Variants in SLIT2 observed in about 807,000 individuals in gnomAD.
SLIT2 encodes slit guidance ligand 2, also known as slit homolog 2 protein.
A neutral mutation model predicts 185.7 loss-of-function variants in SLIT2; 41 were observed. The ratio of observed to expected loss-of-function variants is 0.22; its 90% CI spans 0.17 to 0.29. The LOEUF (loss-of-function observed/expected upper bound fraction) is 0.29. Ranked by LOEUF, SLIT2 falls within the 10% of genes least tolerant of loss-of-function variation. The pLI is 1.00. For synonymous variants in SLIT2, 693 were observed against 680.2 expected, an observed-to-expected ratio of 1.02 and a Z score of -0.29; for missense variants, 1,571 against 1,909.0, an observed-to-expected ratio of 0.82 and a Z score of 3.30.
At chr4:20,497,197 A>G (rs1718301256) in intron 9 of SLIT2, among the ~76,000 whole-genome samples, 1 of 152,032 alleles carries the variant, frequency 6.6e-6, no homozygotes, top group Non-Finnish European at 1.5e-5. Context: ...TCTCTAATGA[A>G]GCCTGTAGAC....
At chr4:20,381,870 A>G (rs1341678668) in intron 4 of SLIT2, among the ~76,000 whole-genome samples, 1 of 151,388 alleles carries the variant, frequency 6.6e-6, no homozygotes, top group Non-Finnish European at 1.5e-5. Flanking sequence ...AAAACATAAA[A>G]CTCCAGACCA....
rs538851495 is a variant in SLIT2 at position 20,273,238 on chromosome 4, A to G, written c.395+4357A>G. Among the ~76,000 whole-genome samples the G allele has an allele frequency of 1.3e-4, 20 of 152,208 alleles. 1 individual carries two copies. The highest frequency in any genetic ancestry group is 4.8e-4 in the African/African-American group (20 of 41,554). ...TAAGAGTAACACATGCTCATTGTAA[A>G]AAAGATCTAGGAAATTCAGAAAAAA... On this transcript the variant is annotated intron_variant, in intron 4 of 36. Transcript: ENST00000504154.
intron 4 of SLIT2, among the ~76,000 whole-genome samples, chr4:20,381,830 A>C (rs1452392468): frequency 6.6e-6 from 1 of 152,110 alleles, no homozygotes; most frequent in Non-Finnish European, 1.5e-5. Context: ...AATGTATTTT[A>C]TGATACAAAA....
Position 20,618,941 on chromosome 4 carries a change from G to A in SLIT2, c.4522G>A (p.Asp1508Asn). ...GCGGAAATACTCTTTCGAATGCACT[G>A]ACGGCTCCTCCTTTGTGGACGAGGT... ...KRRKYSFECT[D>N]GSSFVDEVEK... The change falls in exon 37 of 37, where the codon GAC (aspartate) becomes AAC (asparagine). Residue 1508 changes from aspartate (D) to asparagine (N), a missense_variant. Asp to Asn is a conservative substitution (Grantham distance 23). Around this residue, in one of 3 missense-constraint regions of SLIT2, gnomAD observed 223 missense variants for 245.2 expected, o/e 0.91. Coordinates refer to ENST00000504154, the MANE Select transcript of SLIT2 (RefSeq NM_004787.4). 6.2e-7 allele frequency: 1 copy of A among 1,614,142 alleles called. No individual in the cohort carries two copies. The highest frequency in any genetic ancestry group is 8.5e-7 in the Non-Finnish European group (1 of 1,180,010).
chr4:20,252,083 G>T lies in SLIT2; in HGVS notation c.-1733G>T, dbSNP rs1343210810. Among the ~76,000 whole-genome samples the T allele has an allele frequency of 3.3e-5, 5 of 152,212 alleles. No homozygotes were observed. The highest frequency in any genetic ancestry group is 2.0e-4 in the Admixed American group (3 of 15,298). ...CCCAGGCGCAGGCCGAAGCTGCCGC[G>T]CTTTCTGGGCACGGCGGGAGTGCTG... On this transcript the variant is annotated 5_prime_UTR_variant, in exon 1 of 37. Transcript: ENST00000504154.
At chr4:20,392,078 T>C (rs988855950) in intron 4 of SLIT2, 3 of 152,004 alleles carry the variant, frequency 2.0e-5, no homozygotes, top group African/African-American at 4.8e-5. Flanking sequence ...ACGATGGAGA[T>C]ACATTCTGAG....
chr4:20,594,759 T>A (rs1410656919), intron 30 of SLIT2, among the ~76,000 whole-genome samples: 3 of 152,132 alleles, frequency 2.0e-5, no homozygotes, highest in Non-Finnish European at 4.4e-5. Flanking sequence ...CATAGTGCAG[T>A]GGTTAGAAAT....
chr4:20,352,905 C>G (rs1468873948), intron 4 of SLIT2, among the ~76,000 whole-genome samples: 1 of 151,996 alleles, frequency 6.6e-6, no homozygotes, highest in African/African-American at 2.4e-5. Flanking sequence ...GAGTGAGACT[C>G]CATCTAAAAA....
chr4:20,389,530 T>C (rs1725246368), intron 4 of SLIT2, among the ~76,000 whole-genome samples: 1 of 150,040 alleles, frequency 6.7e-6, no homozygotes, highest in Admixed American at 6.7e-5. Context: ...TAAGTTGTTA[T>C]GTGTTTTTTT....
In SLIT2 at chr4:20,352,490, A is replaced by G. The variant is rs564491951; in HGVS notation, c.395+83609A>G. ...CACTAAGGCTAGATTTATTACATAT[A>G]AATATGTCAAATTAGATAAACGCTA... On this transcript the variant is annotated intron_variant, in intron 4 of 36. Transcript: ENST00000504154. Among the ~76,000 whole-genome samples the G allele has an allele frequency of 5.1e-4, 77 of 152,322 alleles. No homozygotes were observed. The South Asian group carries it at 0.014, about 29-fold the overall frequency.
chr4:20,552,926 A>AG (rs1723905341), intron 25 of SLIT2, among the ~76,000 whole-genome samples: 1 of 152,214 alleles, frequency 6.6e-6, no homozygotes, highest in African/African-American at 2.4e-5. Context: ...TGGACCTTAT[A>AG]AAGTTACTAT....
At chr4:20,496,047 G>T (rs947976473) in intron 9 of SLIT2, among the ~76,000 whole-genome samples, 2 of 151,854 alleles carry the variant, frequency 1.3e-5, no homozygotes, top group Non-Finnish European at 2.9e-5. Context: ...TTTCTTTATT[G>T]CAAGTTATGA....
chr4:20,286,986 A>G (rs981955179), intron 4 of SLIT2, among the ~76,000 whole-genome samples: 1 of 152,236 alleles, frequency 6.6e-6, no homozygotes, highest in Admixed American at 6.5e-5. Flanking sequence ...TATCCCACTT[A>G]CTAGCCCACC....
chr4:20,361,834 G>A (rs946035454), intron 4 of SLIT2, among the ~76,000 whole-genome samples: 1 of 151,812 alleles, frequency 6.6e-6, no homozygotes, highest in Non-Finnish European at 1.5e-5. Flanking sequence ...GTTTATTGAT[G>A]TATAATTTAC....
chr4:20,459,863 ATTT>A (rs200920585), intron 4 of SLIT2, among the ~76,000 whole-genome samples: 3 of 138,884 alleles, frequency 2.2e-5, no homozygotes, highest in Admixed American at 7.3e-5. Flanking sequence ...CATGTTTGGA[ATTT>A]TTTTTTTTTT....
chr4:20,587,573 C>G (rs963831967), intron 29 of SLIT2, among the ~76,000 whole-genome samples: 1 of 152,202 alleles, frequency 6.6e-6, no homozygotes, highest in Non-Finnish European at 1.5e-5. Context: ...TCCTTGTTCA[C>G]TCCTTTACAT....
In SLIT2 at chr4:20,254,643, G is replaced by T. The variant is rs1228752909; in HGVS notation, c.179+649G>T. 1.3e-5 allele frequency among the ~76,000 whole-genome samples: 2 copies of T among 152,064 alleles called. No individual in the cohort carries two copies. Among genetic ancestry groups the T allele is most frequent in the Admixed American group, 6.5e-5 (1 of 15,284 alleles). The stretch of plus-strand genomic sequence containing the variant: ...TCCGGGGAGGGGAAGACGGCGTCAG[G>T]CCCCTAGGGACTTGTCTCAGCGGGC... On this transcript the variant is annotated intron_variant, in intron 1 of 36. Coordinates refer to ENST00000504154, the MANE Select transcript of SLIT2 (RefSeq NM_004787.4). This position sits in a 1 kb window ranked among gnomAD's most constrained non-coding sequence, Gnocchi z 5.1.
intron 4 of SLIT2, among the ~76,000 whole-genome samples, chr4:20,328,880 AT>A (rs1384330046): frequency 6.6e-6 from 1 of 152,108 alleles, no homozygotes; most frequent in Non-Finnish European, 1.5e-5. Context: ...GTGTATGTAC[AT>A]GTGTGCACAC....
At chr4:20,334,583 G>C (rs1720340273) in intron 4 of SLIT2, among the ~76,000 whole-genome samples, 1 of 152,090 alleles carries the variant, frequency 6.6e-6, no homozygotes, top group Non-Finnish European at 1.5e-5. Flanking sequence ...ACACTCAGAG[G>C]TAAATCATTT....
Sources: allele counts gnomAD v4.1 joint callset (sites outside exome capture counted in the v4.1 genomes callset), GRCh38; gene constraint gnomAD v4.1.1; regional missense constraint gnomAD v4.1.1; non-coding constraint Gnocchi (gnomAD v3.1); transcripts MANE v1.5; gene names NCBI Gene and HGNC (gene_info 2026-07-23, HGNC 2026-07-21).